Variants in ARID1B observed in about 807,000 individuals in gnomAD.
ARID1B encodes AT-rich interactive domain-containing protein 1B.
ARID1B carries 30 observed loss-of-function variants against 212.3 expected under a neutral mutation model. The ratio of observed to expected loss-of-function variants is 0.14; its 90% CI spans 0.11 to 0.19. ARID1B has a LOEUF of 0.19. Ranked by LOEUF, ARID1B falls within the 10% of genes least tolerant of loss-of-function variation. The pLI is 1.00. For synonymous variants in ARID1B, 1,402 were observed against 1,301.7 expected (o/e 1.08, Z -1.66); for missense variants, 2,891 against 3,204.0 (o/e 0.90, Z 2.36).
At chr6:156,958,557 G>A (rs997877980) in intron 4 of ARID1B, among the ~76,000 whole-genome samples, 3 of 152,214 alleles carry the variant, frequency 2.0e-5, no homozygotes, top group South Asian at 2.1e-4. Flanking sequence ...CCCTGAGATC[G>A]TGAAGCACTT....
chr6:156,862,533 T>G (rs1453623912), intron 2 of ARID1B, among the ~76,000 whole-genome samples: 1 of 152,166 alleles, frequency 6.6e-6, no homozygotes, highest in Non-Finnish European at 1.5e-5. Flanking sequence ...AATGGATGGA[T>G]GTGGGCCATT....
intron 1 of ARID1B, among the ~76,000 whole-genome samples, chr6:156,827,751 ATTCTTTTTTTTTTT>A (rs1782843151): frequency 8.7e-6 from 1 of 115,292 alleles, no homozygotes; most frequent in African/African-American, 3.2e-5. Flanking sequence ...TATCCTGGTA[ATTCTTTTTTTTTTT>A]TTTTTTTTTT....
chr6:157,036,554 T>G (rs1217821277), intron 4 of ARID1B: 3 of 290,474 alleles, frequency 1.0e-5, no homozygotes, highest in Non-Finnish European at 1.4e-5. Context: ...CTCCCTGGAT[T>G]GTTTTTGAGG....
At chr6:156,843,707 T>C (rs1371031525) in intron 2 of ARID1B, among the ~76,000 whole-genome samples, 2 of 152,264 alleles carry the variant, frequency 1.3e-5, no homozygotes, top group Non-Finnish European at 2.9e-5. Context: ...CATTATCTCA[T>C]GTGTCCATTG....
At chr6:156,990,352 G>A (rs535480453) in intron 4 of ARID1B, among the ~76,000 whole-genome samples, 3 of 151,946 alleles carry the variant, frequency 2.0e-5, no homozygotes, top group East Asian at 3.9e-4. Context: ...TTTCAAAACA[G>A]CTTTTGTAGG....
At position 157,190,646 on chromosome 6, in the gene ARID1B, C is replaced by T. The variant is rs1474573672; in HGVS notation, c.4231+436C>T. Among the ~76,000 whole-genome samples, 1 of 152,242 alleles carries T rather than the reference C, an allele frequency of 6.6e-6. No individual in the cohort carries two copies. Among genetic ancestry groups the T allele is most frequent in the Non-Finnish European group, 1.5e-5 (1 of 68,046 alleles). On this transcript the variant is annotated intron_variant, in intron 15 of 19. Coordinates refer to ENST00000636930, the MANE Select transcript of ARID1B (RefSeq NM_001374828.1). The surrounding 1 kb of genome is among the most constrained non-coding windows in gnomAD (Gnocchi z 4.6). ...TGGCATGGTGGTGTGCTAGTGTGCG[C>T]TGGGCGCTAGCTCGTGGATTGGTAA...
At chr6:156,797,400 C>A (rs1370309301) in intron 1 of ARID1B, among the ~76,000 whole-genome samples, 1 of 152,210 alleles carries the variant, frequency 6.6e-6, no homozygotes, top group Non-Finnish European at 1.5e-5. Flanking sequence ...TGGAGAGGAG[C>A]TATCGCAGCT....
At chr6:156,870,253 AG>A (rs1172241120) in intron 2 of ARID1B, 1 of 152,292 alleles carries the variant, frequency 6.6e-6, no homozygotes, top group African/African-American at 2.4e-5. Context: ...CCTGATCCAC[AG>A]GGAACTTCAG....
intron 4 of ARID1B, among the ~76,000 whole-genome samples, chr6:157,057,952 T>C (rs890855567): frequency 2.6e-5 from 4 of 152,250 alleles, no homozygotes; most frequent in Non-Finnish European, 4.4e-5. Context: ...GTTAATTTTC[T>C]TTCTTTTGCA....
At chr6:157,039,666 C>CTTCATTCCTTCTTTCTTTCT (rs1781627460) in intron 4 of ARID1B, among the ~76,000 whole-genome samples, 1 of 49,384 alleles carries the variant, frequency 2.0e-5, no homozygotes, top group Admixed American at 1.8e-4. Context: ...TCCTTCCTTC[C>CTTCATTCCTTCTTTCTTTCT]TTCCTTCCTT....
chr6:156,980,627 C>T (rs576565861), intron 4 of ARID1B, among the ~76,000 whole-genome samples: 24 of 152,300 alleles, frequency 1.6e-4, no homozygotes, highest in Non-Finnish European at 2.9e-4. Context: ...CAGGGCTACT[C>T]GTAGACAGTG....
intron 5 of ARID1B, among the ~76,000 whole-genome samples, chr6:157,103,424 C>T (rs564792777): frequency 4.4e-4 from 67 of 152,260 alleles, no homozygotes; most frequent in Middle Eastern, 6.8e-3. Context: ...ATACTGTGTC[C>T]AGTTGTAAAA....
chr6:157,162,723 G>A (rs1293321910), intron 8 of ARID1B, among the ~76,000 whole-genome samples: 1 of 152,228 alleles, frequency 6.6e-6, no homozygotes, highest in Non-Finnish European at 1.5e-5. Context: ...AAGAGGAGGA[G>A]GGAGCGGTGC....
chr6:156,806,581 C>T (rs1781173508), intron 1 of ARID1B, among the ~76,000 whole-genome samples: 1 of 152,202 alleles, frequency 6.6e-6, no homozygotes, highest in South Asian at 2.1e-4. Context: ...TCACAGTAAT[C>T]TTGCGAGGTT....
intron 6 of ARID1B, among the ~76,000 whole-genome samples, chr6:157,117,894 C>G (rs1787431126): frequency 6.6e-6 from 1 of 152,168 alleles, no homozygotes; most frequent in Non-Finnish European, 1.5e-5. Flanking sequence ...ATTTCCATGA[C>G]TGCACAGCTG....
chr6:156,950,351 T>C (rs1009672888), intron 4 of ARID1B, among the ~76,000 whole-genome samples: 1 of 152,224 alleles, frequency 6.6e-6, no homozygotes, highest in Non-Finnish European at 1.5e-5. Flanking sequence ...ATAACACAGG[T>C]CTTTAGTGGA....
chr6:156,853,713 A>T (rs1375476504), intron 2 of ARID1B, among the ~76,000 whole-genome samples: 1 of 152,100 alleles, frequency 6.6e-6, no homozygotes, highest in Non-Finnish European at 1.5e-5. Context: ...TGGGTCTCAT[A>T]GTATTACCTG....
intron 3 of ARID1B, among the ~76,000 whole-genome samples, chr6:156,906,229 C>T (rs1789362454): frequency 6.6e-6 from 1 of 151,892 alleles, no homozygotes; most frequent in Non-Finnish European, 1.5e-5. Context: ...ATCTAGGAGA[C>T]AGGAGGATTG....
In ARID1B at chr6:156,979,893, GACAGGGTCTC is replaced by G. The variant is rs574082664; in HGVS notation, c.2247+44320_2247+44329del. ...TTTTAAAATTATTTTTATTTTTTGA[GACAGGGTCTC>G]ACTCTTTTACCCAGGCTGGAGTGCA... is the stretch of plus-strand genomic sequence containing the variant. On this transcript the variant is annotated intron_variant, in intron 4 of 19. Transcript: ENST00000636930. Among the ~76,000 whole-genome samples the G allele has an allele frequency of 1.4e-3, 207 of 151,292 alleles. 1 individual carries two copies. The highest frequency in any genetic ancestry group is 4.8e-3 in the African/African-American group (196 of 41,208).
Sources: gnomAD v4.1 joint callset for allele counts (sites outside exome capture counted in the v4.1 genomes callset) on GRCh38, gnomAD v4.1.1 for gene constraint, Gnocchi (gnomAD v3.1) non-coding constraint, MANE v1.5 for transcripts, NCBI Gene and HGNC (gene_info 2026-07-23, HGNC 2026-07-21) for gene names.